The following ZFAND4 variants were observed in gnomAD, a reference collection of about 807,000 sequenced individuals.
ZFAND4 encodes AN1-type zinc finger protein 4.
A neutral mutation model predicts 64.4 loss-of-function variants in ZFAND4; 43 were observed. The ratio of observed to expected loss-of-function variants is 0.67; its 90% CI spans 0.52 to 0.86. The LOEUF (loss-of-function observed/expected upper bound fraction) is 0.86. ZFAND4 is among the 40% of genes least tolerant of loss of function. ZFAND4 has a pLI of 0.00. For synonymous variants in ZFAND4, 296 were observed against 305.7 expected (o/e 0.97, Z 0.33); for missense variants, 929 against 859.8 (o/e 1.08, Z -1.01).
At chr10:45,657,800 C>T (rs986860648) in intron 2 of ZFAND4, among the ~76,000 whole-genome samples, 1 of 151,864 alleles carries the variant, frequency 6.6e-6, no homozygotes, top group Admixed American at 6.6e-5. Context: ...AAGTCTCAAA[C>T]ATATTATGCA....
intron 2 of ZFAND4, among the ~76,000 whole-genome samples, chr10:45,662,421 T>A (rs762089495): frequency 6.6e-6 from 1 of 152,224 alleles, no homozygotes; most frequent in Non-Finnish European, 1.5e-5. Context: ...TTTTGCTGCA[T>A]ACAAATTATT....
chr10:45,626,253 T>C lies in ZFAND4; in HGVS notation c.1570A>G (p.Thr524Ala). 6.2e-7 allele frequency: 1 copy of C among 1,614,150 alleles called. No individual in the cohort carries two copies. Among genetic ancestry groups the C allele is most frequent in the East Asian group, 2.2e-5 (1 of 44,878 alleles). Reference protein sequence around the residue: ...NITDSSFSRTTCFQGVKVDSL... With the variant: ...NITDSSFSRTACFQGVKVDSL... ...TCAACTTTAACACCTTGAAAGCAAGTAGTCCTAGAGAAAGAAGAATCAGTT... is the reference window on the plus strand; with the variant it reads ...TCAACTTTAACACCTTGAAAGCAAGCAGTCCTAGAGAAAGAAGAATCAGTT... Residue 524 changes from threonine (T) to alanine (A), a missense_variant, in exon 7 of 10, where the codon ACT becomes GCT. Coordinates refer to ENST00000344646, the MANE Select transcript of ZFAND4 (RefSeq NM_174890.4).
intron 1 of ZFAND4, among the ~76,000 whole-genome samples, chr10:45,665,446 C>T (rs1033634750): frequency 6.6e-6 from 1 of 152,068 alleles, no homozygotes; most frequent in Non-Finnish European, 1.5e-5. Flanking sequence ...GAGGCTGAGG[C>T]AGGAGAACCG....
intron 2 of ZFAND4, among the ~76,000 whole-genome samples, chr10:45,660,206 C>T (rs991544794): frequency 6.6e-6 from 1 of 150,508 alleles, no homozygotes; most frequent in Non-Finnish European, 1.5e-5. Context: ...ACTTCCTAGG[C>T]AAGGCACAGT....
chr10:45,654,105 A>G (rs2047936909), intron 2 of ZFAND4, among the ~76,000 whole-genome samples: 2 of 152,194 alleles, frequency 1.3e-5, no homozygotes, highest in Admixed American at 1.3e-4. Flanking sequence ...ACTTATAAGC[A>G]GGAGCTAAAC....
chr10:45,663,864 T>C, intron 1 of ZFAND4, 22 bp from the exon 2 acceptor site: 1 of 628,492 alleles, frequency 1.6e-6, no homozygotes, highest in South Asian at 3.1e-5. Flanking sequence ...AGAATTTTTT[T>C]AACAAGCCTA....
intron 6 of ZFAND4, 34 bp downstream of exon 6, chr10:45,639,782 A>G: frequency 6.3e-7 from 1 of 1,576,020 alleles, no homozygotes; most frequent in East Asian, 2.3e-5. Flanking sequence ...GGGGTAAGCT[A>G]GAGATAAGCC....
intron 2 of ZFAND4, among the ~76,000 whole-genome samples, chr10:45,663,064 T>C (rs1003808255): frequency 1.3e-5 from 2 of 151,608 alleles, no homozygotes; most frequent in African/African-American, 4.9e-5. Context: ...TAAGGGAACT[T>C]TGAATATACG....
chr10:45,634,671 G>A (rs921687201), intron 6 of ZFAND4, among the ~76,000 whole-genome samples: 1 of 152,070 alleles, frequency 6.6e-6, no homozygotes, highest in African/African-American at 2.4e-5. Context: ...AATCAGACAA[G>A]AGAAAGAAAT....
rs760773830 is a variant in ZFAND4 at position 45,627,101 on chromosome 10, T to C, written c.722A>G (p.Lys241Arg). ...MKNMNLSKKP[K>R]KAVKIKPHPP... ...GTGAGGTTTTATCTTGACAGCTTTC[T>C]TAGGCTAAAAGGAATGAATATACAG... Residue 241 changes from lysine to arginine, a missense_variant, in exon 7 of 10, where the codon AAG (lysine) becomes AGG (arginine). Coordinates refer to ENST00000344646, the MANE Select transcript of ZFAND4 (RefSeq NM_174890.4). The C allele has an allele frequency of 6.5e-7, 1 of 1,533,046 alleles. No individual in the cohort carries two copies. Among genetic ancestry groups the C allele is most frequent in the Admixed American group, 2.1e-5 (1 of 46,840 alleles). The allele number at this position is 1,533,046 out of a possible 1,614,324, so 95.0% of individuals were successfully genotyped here.
chr10:45,629,169 C>A (rs1465708545), intron 6 of ZFAND4, among the ~76,000 whole-genome samples: 2 of 152,084 alleles, frequency 1.3e-5, no homozygotes, highest in African/African-American at 2.4e-5. Context: ...CTCACCCTCC[C>A]AGGGTCAATC....
At chr10:45,660,582 A>G (rs771887081) in intron 2 of ZFAND4, among the ~76,000 whole-genome samples, 3 of 151,656 alleles carry the variant, frequency 2.0e-5, no homozygotes, top group African/African-American at 7.3e-5. Flanking sequence ...ACCAAACACG[A>G]TAACTACCAA....
intron 6 of ZFAND4, among the ~76,000 whole-genome samples, chr10:45,630,903 C>A (rs1478846081): frequency 6.7e-6 from 1 of 150,248 alleles, no homozygotes; most frequent in African/African-American, 2.5e-5. Flanking sequence ...GAGTTCGAGG[C>A]TGCAGTGAGC....
chr10:45,670,466 T>A (rs2049107517), intron 1 of ZFAND4, among the ~76,000 whole-genome samples: 1 of 152,116 alleles, frequency 6.6e-6, no homozygotes, highest in Non-Finnish European at 1.5e-5. Context: ...TCTCAAACTC[T>A]CAACCTCAGG....
intron 1 of ZFAND4, among the ~76,000 whole-genome samples, chr10:45,670,225 ATTT>A (rs202120323): frequency 3.6e-5 from 5 of 138,520 alleles, no homozygotes; most frequent in Non-Finnish European, 6.3e-5. Context: ...CAACTATCTG[ATTT>A]TTTTTTTTTT....
intron 4 of ZFAND4, chr10:45,651,072 G>A (rs1407286716): frequency 6.6e-6 from 1 of 152,268 alleles, no homozygotes; most frequent in African/African-American, 2.4e-5. Flanking sequence ...CAAGCCAGGA[G>A]TAGAATCAAT....
chr10:45,667,458 C>CTTTT (rs60572011), intron 1 of ZFAND4, among the ~76,000 whole-genome samples: 24 of 90,614 alleles, frequency 2.6e-4, no homozygotes, highest in African/African-American at 5.1e-4. Context: ...TCTTTTCTTT[C>CTTTT]TTTTTTTTTT....
intron 1 of ZFAND4, among the ~76,000 whole-genome samples, chr10:45,668,505 A>G (rs2048977119): frequency 6.6e-6 from 1 of 152,240 alleles, no homozygotes; most frequent in African/African-American, 2.4e-5. Flanking sequence ...TAACATCATA[A>G]AGACAGGATC....
chr10:45,663,212 A>T (rs1420342735), intron 2 of ZFAND4, among the ~76,000 whole-genome samples: 1 of 152,154 alleles, frequency 6.6e-6, no homozygotes, highest in Non-Finnish European at 1.5e-5. Flanking sequence ...TAAAAGTAAA[A>T]TATAAAGTAA....
Sources: gnomAD v4.1 joint callset for allele counts (sites outside exome capture counted in the v4.1 genomes callset) on GRCh38, gnomAD v4.1.1 for gene constraint, MANE v1.5 for transcripts, NCBI Gene and HGNC (gene_info 2026-07-23, HGNC 2026-07-21) for gene names.